Variants in ALS2CL observed in about 807,000 individuals in gnomAD.
ALS2CL encodes ALS2 C-terminal-like protein.
In ALS2CL, 112 loss-of-function variants were observed where a neutral mutation model predicts 127.9. The observed-to-expected ratio is 0.88, with a 90% CI of 0.75 to 1.02. The LOEUF (loss-of-function observed/expected upper bound fraction) is 1.02, where lower values mean the gene tolerates loss of function less well. Ranked by LOEUF, ALS2CL falls within the 50% of genes least tolerant of loss-of-function variation. The pLI is 0.00. For missense variants in ALS2CL, 1,174 were observed against 1,236.7 expected (o/e 0.95, Z 0.76); for synonymous variants, 519 against 527.6 (o/e 0.98, Z 0.22).
chr3:46,679,047 G>A (rs1385219078), intron 15 of ALS2CL, among the ~76,000 whole-genome samples, 163 bp downstream of exon 15: 2 of 152,126 alleles, frequency 1.3e-5, no homozygotes, highest in Admixed American at 6.5e-5. Context: ...AGAATCAATC[G>A]CAACTCTGTG....
Position 46,672,126 on chromosome 3 carries a change from C to A in ALS2CL, c.2534+14G>T, listed in dbSNP as rs1329914329. The A allele has an allele frequency of 1.2e-6, 2 of 1,614,012 alleles. No homozygotes were observed. Among genetic ancestry groups the A allele is most frequent in the Non-Finnish European group, 1.7e-6 (2 of 1,180,034 alleles). ...CTGCCTCCGGACCCCCAACCCACTA[C>A]GGCTCACACTCACATGATCTTCTGC... is the stretch of plus-strand genomic sequence containing the variant. On this transcript the variant is annotated intron_variant, in intron 23 of 25. Coordinates refer to ENST00000318962, the MANE Select transcript of ALS2CL (RefSeq NM_147129.5).
Position 46,677,032 on chromosome 3 carries a change from G to C in ALS2CL, c.1758-10C>G. 6.3e-7 allele frequency: 1 copy of C among 1,592,188 alleles called. No homozygotes were observed. The highest frequency in any genetic ancestry group is 8.5e-7 in the Non-Finnish European group (1 of 1,169,688). On this transcript the variant is annotated splice_polypyrimidine_tract_variant and intron_variant, in intron 16 of 25. Transcript: ENST00000318962. ...ACCCACGCCCAGCTGCCTGCGATGG[G>C]GATGGAGGGTGGGTGATGGGGCAGA...
At chr3:46,680,620 G>A (rs999241034) in intron 13 of ALS2CL, 79 bp from the exon 14 acceptor site, 117 of 1,311,074 alleles carry the variant, frequency 8.9e-5, no homozygotes, top group Non-Finnish European at 1.0e-4. Flanking sequence ...GGCACGGGGC[G>A]GCAGGGAGTG....
At position 46,670,898 on chromosome 3, in the gene ALS2CL, G is replaced by A; in HGVS notation, c.*86C>T. 2 of 1,368,110 alleles carry A rather than the reference G, an allele frequency of 1.5e-6. No individual in the cohort carries two copies. The highest frequency in any genetic ancestry group is 2.1e-6 in the Non-Finnish European group (2 of 962,480). The allele number at this position is 1,368,110 out of a possible 1,614,324, so 84.7% of individuals were successfully genotyped here. A position where few individuals can be genotyped will look rare whatever the true frequency, so the allele number is the denominator to read the frequency against. ...ATCTCCTCCAAGAGCTGCTTCTGAGGGCCTGTCCTGCCCCTTGCCTTGGGT... is the reference window on the plus strand; with the variant it reads ...ATCTCCTCCAAGAGCTGCTTCTGAGAGCCTGTCCTGCCCCTTGCCTTGGGT... On this transcript the variant is annotated 3_prime_UTR_variant, in exon 26 of 26. Transcript: ENST00000318962. This position sits in a 1 kb window ranked among gnomAD's most constrained non-coding sequence, Gnocchi z 5.5.
Position 46,681,186 on chromosome 3 carries a change from T to G in ALS2CL, c.1436+60A>C, listed in dbSNP as rs777129801. The G allele has an allele frequency of 1.1e-5, 18 of 1,608,954 alleles. 1 individual carries two copies. In the Middle Eastern group the frequency reaches 9.9e-4, roughly 89 times the overall value. ...CAGGAGCCTGTGTCCTGCAACAATC[T>G]GGTCTGTGAGGGCCCGGTCCACCCC... On this transcript the variant is annotated intron_variant, in intron 13 of 25. Transcript: ENST00000318962. The surrounding 1 kb of genome is among the most constrained non-coding windows in gnomAD (Gnocchi z 4.9).
chr3:46,671,258 G>C (rs959348660), intron 25 of ALS2CL, among the ~76,000 whole-genome samples, 194 bp from the exon 26 acceptor site: 1 of 152,038 alleles, frequency 6.6e-6, no homozygotes, highest in Non-Finnish European at 1.5e-5. Context: ...ATGCAGCATG[G>C]AGCAATCATG....
Position 46,685,558 on chromosome 3 carries a change from C to T in ALS2CL, c.753G>A (p.Val251=), listed in dbSNP as rs147807160. 70 of 1,613,948 alleles carry T rather than the reference C, an allele frequency of 4.3e-5. No individual in the cohort carries two copies. The highest frequency in any genetic ancestry group is 3.3e-4 in the Middle Eastern group (2 of 6,080). ...GGACGAGGGCATCATCAAAGAGCAG[C>T]ACACGCTCAGCCCGCAACGGTGCGA... The part of the protein sequence containing the change: ...VTVAPLRAER[V]LLFDDALVLL... The change falls in exon 7 of 26, where the codon GTG becomes GTA. Residue 251 remains valine, a synonymous_variant. Coordinates refer to ENST00000318962, the MANE Select transcript of ALS2CL (RefSeq NM_147129.5).
At chr3:46,689,938 T>C (rs1387503666) in intron 1 of ALS2CL, among the ~76,000 whole-genome samples, 3 of 152,212 alleles carry the variant, frequency 2.0e-5, no homozygotes, top group Non-Finnish European at 4.4e-5. Context: ...GGACTCCCTG[T>C]CACCCAACCA....
At chr3:46,671,160 C>T in intron 25 of ALS2CL, 96 bp from the exon 26 acceptor site, 2 of 1,332,158 alleles carry the variant, frequency 1.5e-6, no homozygotes, top group Non-Finnish European at 2.2e-6. Context: ...CACCCACCTC[C>T]CAACCCAGAG....
chr3:46,674,785 G>C (rs75707838), intron 20 of ALS2CL, 46 bp from the exon 21 acceptor site: 2 of 1,516,320 alleles, frequency 1.3e-6, no homozygotes, highest in African/African-American at 2.8e-5. Flanking sequence ...GGTGGGGTCT[G>C]GGATTACTAC....
At chr3:46,691,674 C>A (rs1410263133) in intron 1 of ALS2CL, among the ~76,000 whole-genome samples, 1 of 152,040 alleles carries the variant, frequency 6.6e-6, no homozygotes, top group Non-Finnish European at 1.5e-5. Flanking sequence ...GGGGTTCAAC[C>A]AGATCACAGC....
intron 7 of ALS2CL, among the ~76,000 whole-genome samples, chr3:46,684,948 C>A (rs1038188377): frequency 6.6e-6 from 1 of 152,182 alleles, no homozygotes; most frequent in African/African-American, 2.4e-5. Context: ...GAAGACTGTG[C>A]TGTGGACCTC....
Position 46,680,447 on chromosome 3 carries a change from G to A in ALS2CL, c.1531C>T (p.Gln511Ter), listed in dbSNP as rs763526232. 6.8e-6 allele frequency: 11 copies of A among 1,613,422 alleles called. No homozygotes were observed. The highest frequency in any genetic ancestry group is 8.5e-6 in the Non-Finnish European group (10 of 1,180,000). The change falls in exon 14 of 26, where the codon CAG (glutamine) becomes TAG (stop). Residue 511 changes from glutamine to a stop codon, truncating the protein, a stop_gained. Coordinates refer to ENST00000318962, the MANE Select transcript of ALS2CL (RefSeq NM_147129.5). LOFTEE classifies it high-confidence loss of function. ...QAGVCYQGTF[Q>*]ADKTVGPGIL... ...CCACTCACCACCGTCTTGTCCGCCT[G>A]GAAGGTGCCCTGGTAGCAGACACCT...
Position 46,678,510 on chromosome 3 carries a change from C to T in ALS2CL, c.1627-121G>A, listed in dbSNP as rs1191665501. 5 of 1,305,716 alleles carry T rather than the reference C, an allele frequency of 3.8e-6. No individual in the cohort carries two copies. The African/African-American group carries it at 5.9e-5, about 15-fold the overall frequency. 80.9% of individuals were successfully genotyped at this position (1,305,716 alleles called of 1,614,324 possible). A position where few individuals can be genotyped will look rare whatever the true frequency, so the allele number is the denominator to read the frequency against. ...GGCTAAGGACTAATGAATGGGCTTC[C>T]CGCCATCCATTCAAGCTGCTCCATG... On this transcript the variant is annotated intron_variant, in intron 15 of 25. Transcript: ENST00000318962.
Position 46,670,889 on chromosome 3 carries a change from G to T in ALS2CL, c.*95C>A. 1.5e-6 allele frequency: 2 copies of T among 1,292,718 alleles called. No homozygotes were observed. Among genetic ancestry groups the T allele is most frequent in the Non-Finnish European group, 2.2e-6 (2 of 897,776 alleles). 80.1% of individuals were successfully genotyped at this position (1,292,718 alleles called of 1,614,324 possible). A position where few individuals can be genotyped will look rare whatever the true frequency, so the allele number is the denominator to read the frequency against. On this transcript the variant is annotated 3_prime_UTR_variant, in exon 26 of 26. Coordinates refer to ENST00000318962, the MANE Select transcript of ALS2CL (RefSeq NM_147129.5). This position sits in a 1 kb window ranked among gnomAD's most constrained non-coding sequence, Gnocchi z 5.5. ...AAAATGCTCATCTCCTCCAAGAGCT[G>T]CTTCTGAGGGCCTGTCCTGCCCCTT...
At position 46,669,275 on chromosome 3, in the gene ALS2CL, C is replaced by G. The variant is rs11540631; in HGVS notation, c.*1709G>C. 6.6e-6 allele frequency: 1 copy of G among 152,348 alleles called. No homozygotes were observed. The highest frequency in any genetic ancestry group is 1.9e-4 in the East Asian group (1 of 5,164). The allele number at this position is 152,348 out of a possible 1,614,324, so 9.4% of individuals were successfully genotyped here. A position where few individuals can be genotyped will look rare whatever the true frequency, so the allele number is the denominator to read the frequency against. On this transcript the variant is annotated 3_prime_UTR_variant, in exon 26 of 26. Coordinates refer to ENST00000318962, the MANE Select transcript of ALS2CL (RefSeq NM_147129.5). ...GTCTTGAACTCTCAGTTTCCAGCAGCCTTCCTGCCTCAGCCTCCCAAAGTG... is the reference window on the plus strand; with the variant it reads ...GTCTTGAACTCTCAGTTTCCAGCAGGCTTCCTGCCTCAGCCTCCCAAAGTG...
intron 4 of ALS2CL, 49 bp from the exon 5 acceptor site, chr3:46,687,197 TGCACCCACACC>T: frequency 6.8e-7 from 1 of 1,465,092 alleles, no homozygotes; most frequent in Non-Finnish European, 9.0e-7. Context: ...CCTCCATTCC[TGCACCCACACC>T]GCCACCTCCC....
intron 1 of ALS2CL, among the ~76,000 whole-genome samples, chr3:46,691,023 G>C (rs1016560559): frequency 5.3e-5 from 8 of 152,204 alleles, no homozygotes; most frequent in Non-Finnish European, 1.0e-4. Context: ...GGCAGGAAGG[G>C]GAAGCCACCA....
chr3:46,682,936 G>A (rs1263701178), intron 10 of ALS2CL, among the ~76,000 whole-genome samples, 194 bp downstream of exon 10: 2 of 152,224 alleles, frequency 1.3e-5, no homozygotes, highest in African/African-American at 2.4e-5. Flanking sequence ...TCACCATCAA[G>A]ACTTTATTTG....
Sources: gnomAD v4.1 joint callset for allele counts (sites outside exome capture counted in the v4.1 genomes callset) on GRCh38, gnomAD v4.1.1 for gene constraint, Gnocchi (gnomAD v3.1) non-coding constraint, MANE v1.5 for transcripts, NCBI Gene and HGNC (gene_info 2026-07-23, HGNC 2026-07-21) for gene names.